Variants in MBP observed in about 807,000 individuals in gnomAD.
The protein encoded by MBP is myelin basic protein, also known as Golli-MBP.
MBP carries 16 observed loss-of-function variants against 35.8 expected under a neutral mutation model. The ratio of observed to expected loss-of-function variants is 0.45; its 90% CI spans 0.30 to 0.68. MBP has a LOEUF of 0.68. MBP is among the 30% of genes least tolerant of loss of function. The pLI is 0.08. For missense variants in MBP, 380 were observed against 404.7 expected (o/e 0.94, Z 0.52); for synonymous variants, 143 against 159.6 (o/e 0.90, Z 0.78).
chr18:76,993,624 C>T (rs1042718485), intron 4 of MBP, among the ~76,000 whole-genome samples: 1 of 151,446 alleles, frequency 6.6e-6, no homozygotes. Flanking sequence ...TCCATATTTT[C>T]CTAGTTGTTT....
At chr18:77,132,096 C>G (rs1367716256) in intron 1 of MBP, among the ~76,000 whole-genome samples, 2 of 152,128 alleles carry the variant, frequency 1.3e-5, no homozygotes, top group South Asian at 4.1e-4. Context: ...CAGCCAGCAC[C>G]CTCTCCACAC....
chr18:77,081,795 T>C (rs56011720), intron 2 of MBP, among the ~76,000 whole-genome samples: 16,274 of 50,334 alleles, frequency 0.32, 1,206 homozygotes, highest in East Asian at 0.46. Context: ...CACACACACG[T>C]ATATATATAT....
chr18:77,064,765 T>G (rs951771034), intron 3 of MBP, among the ~76,000 whole-genome samples: 3 of 152,236 alleles, frequency 2.0e-5, no homozygotes, highest in Admixed American at 6.5e-5. Context: ...CCAGGAAGCC[T>G]GTTTGCCTTG....
intron 3 of MBP, among the ~76,000 whole-genome samples, chr18:77,041,804 G>T (rs1321237469): frequency 1.3e-5 from 2 of 149,490 alleles, no homozygotes; most frequent in East Asian, 2.0e-4. Flanking sequence ...GGGAGGGATA[G>T]CATTAGGAGA....
chr18:77,015,323 T>C, intron 4 of MBP: 2 of 985,452 alleles, frequency 2.0e-6, no homozygotes, highest in Non-Finnish European at 2.4e-6. Flanking sequence ...AAACTGGTGA[T>C]GCTGTATGCG....
At chr18:77,014,661 G>C (rs1971529668) in intron 4 of MBP, 1 of 985,292 alleles carries the variant, frequency 1.0e-6, no homozygotes, top group African/African-American at 1.7e-5. Flanking sequence ...TCTGTAGCTG[G>C]GTGTAGAGAG....
chr18:77,129,013 T>C (rs1206477580), intron 1 of MBP, among the ~76,000 whole-genome samples: 1 of 152,228 alleles, frequency 6.6e-6, no homozygotes, highest in Non-Finnish European at 1.5e-5. Flanking sequence ...GCCATCTTAG[T>C]TTTGAATTCC....
At chr18:77,048,683 C>T (rs1202008377) in intron 3 of MBP, among the ~76,000 whole-genome samples, 2 of 152,112 alleles carry the variant, frequency 1.3e-5, no homozygotes, top group African/African-American at 4.8e-5. Flanking sequence ...AGGCTGGTCT[C>T]GAACTCCTGA....
chr18:76,988,446 G>A lies in MBP; in HGVS notation c.750+49C>T. On this transcript the variant is annotated intron_variant, in intron 7 of 8. Transcript: ENST00000355994. This position sits in a 1 kb window ranked among gnomAD's most constrained non-coding sequence, Gnocchi z 5.2. ...CAGAACACAAAAGTTGCGGGGCTGT[G>A]AGGACTGGGACGGAAGAGGAAGCCG... The A allele has an allele frequency of 6.2e-7, 1 of 1,614,240 alleles. No homozygotes were observed. Among genetic ancestry groups the A allele is most frequent in the South Asian group, 1.1e-5 (1 of 91,084 alleles).
At chr18:77,098,437 A>G (rs1599241163) in intron 2 of MBP, among the ~76,000 whole-genome samples, 1 of 152,148 alleles carries the variant, frequency 6.6e-6, no homozygotes, top group African/African-American at 2.4e-5. Context: ...GGCACATAAT[A>G]AAAAGTATTT....
At chr18:77,034,048 G>C (rs1001032335) in intron 3 of MBP, among the ~76,000 whole-genome samples, 13 of 116,906 alleles carry the variant, frequency 1.1e-4, no homozygotes, top group Admixed American at 3.3e-4. Context: ...TTACCTAATG[G>C]GGCAAAAAAA....
At chr18:77,055,067 C>G (rs9944542) in intron 3 of MBP, among the ~76,000 whole-genome samples, 141,659 of 152,294 alleles carry the variant, frequency 0.93, 66,172 homozygotes, top group Non-Finnish European at 0.98. Context: ...GGAGGCCCCG[C>G]AGTTAGAAGG....
chr18:77,105,419 A>C (rs1407946874), intron 1 of MBP, 133 bp from the exon 2 acceptor site: 1 of 553,398 alleles, frequency 1.8e-6, no homozygotes, highest in East Asian at 3.3e-5. Context: ...AAGGCCCTGA[A>C]AACAGAAGAG....
intron 3 of MBP, among the ~76,000 whole-genome samples, chr18:77,029,440 G>C (rs1290439605): frequency 8.1e-6 from 1 of 123,452 alleles, no homozygotes; most frequent in East Asian, 2.8e-4. Context: ...GAGGGAGAGG[G>C]AGGGGGAGGG....
chr18:77,077,838 T>C (rs531165852), intron 2 of MBP, among the ~76,000 whole-genome samples: 1 of 152,360 alleles, frequency 6.6e-6, no homozygotes, highest in South Asian at 2.1e-4. Flanking sequence ...GAATCTAAAC[T>C]TAACCAGGAT....
intron 3 of MBP, among the ~76,000 whole-genome samples, chr18:77,042,517 AATACG>A (rs1973056243): frequency 2.0e-5 from 3 of 152,248 alleles, no homozygotes; most frequent in Admixed American, 6.5e-5. Context: ...CATAACCATT[AATACG>A]TATTCTGTAT....
intron 1 of MBP, chr18:77,109,401 G>A (rs1409333165): frequency 6.6e-6 from 1 of 152,236 alleles, no homozygotes; most frequent in African/African-American, 2.4e-5. Flanking sequence ...GTGTCCTGGG[G>A]TGTGGAAGGT....
chr18:76,988,075 T>C lies in MBP; in HGVS notation c.750+420A>G, dbSNP rs2123112542. 1 of 1,456,260 alleles carries C rather than the reference T, an allele frequency of 6.9e-7. No individual in the cohort carries two copies. The highest frequency in any genetic ancestry group is 2.5e-5 in the East Asian group (1 of 39,298). 90.2% of individuals were successfully genotyped at this position (1,456,260 alleles called of 1,614,324 possible). On this transcript the variant is annotated intron_variant, in intron 7 of 8. Coordinates refer to ENST00000355994, the MANE Select transcript of MBP (RefSeq NM_001025101.2). This position sits in a 1 kb window ranked among gnomAD's most constrained non-coding sequence, Gnocchi z 5.2. ...TTCATCAGCAGAATCATTTTCCCAG[T>C]GTCAGCATCTGGGGTCACTGAGACG...
At chr18:77,042,221 T>C (rs1307458666) in intron 3 of MBP, among the ~76,000 whole-genome samples, 1 of 152,166 alleles carries the variant, frequency 6.6e-6, no homozygotes, top group Non-Finnish European at 1.5e-5. Flanking sequence ...GGAAGTGGCA[T>C]GCTCTCTTAT....
Sources: gnomAD v4.1 joint callset for allele counts (sites outside exome capture counted in the v4.1 genomes callset) on GRCh38, gnomAD v4.1.1 for gene constraint, Gnocchi (gnomAD v3.1) non-coding constraint, MANE v1.5 for transcripts, NCBI Gene and HGNC (gene_info 2026-07-23, HGNC 2026-07-21) for gene names.